Variants in PPP1R12B observed in about 807,000 individuals in gnomAD.
PPP1R12B encodes the protein protein phosphatase 1 regulatory subunit 12B, also known as myosin phosphatase target subunit 2.
Under a neutral mutation model 126.1 loss-of-function variants are expected in PPP1R12B, and 76 were observed. That is an observed-to-expected ratio of 0.60 (90% confidence interval 0.50 to 0.73). PPP1R12B has a LOEUF of 0.73. PPP1R12B is among the 30% of genes least tolerant of loss of function. The pLI, the probability that PPP1R12B is intolerant of heterozygous loss-of-function variation, is 0.00. For synonymous variants in PPP1R12B, 356 were observed against 434.7 expected (o/e 0.82, Z 2.25); for missense variants, 1,052 against 1,205.1 (o/e 0.87, Z 1.88).
At chr1:202,357,218 T>G (rs1424366739) in intron 1 of PPP1R12B, among the ~76,000 whole-genome samples, 1 of 152,210 alleles carries the variant, frequency 6.6e-6, no homozygotes, top group Admixed American at 6.5e-5. Context: ...GGTAATTTGT[T>G]ATAGCAGCAA....
chr1:202,563,033 A>C (rs1175211302), intron 20 of PPP1R12B, 111 bp downstream of exon 20: 2 of 1,225,330 alleles, frequency 1.6e-6, no homozygotes, highest in East Asian at 5.5e-5. Flanking sequence ...AAGAAAAGGC[A>C]CTTAAGTAAT....
chr1:202,351,212 TTTGTTGTTG>T (rs60936070), intron 1 of PPP1R12B, among the ~76,000 whole-genome samples: 34 of 146,550 alleles, frequency 2.3e-4, no homozygotes, highest in East Asian at 6.0e-4. Flanking sequence ...TGGAGAAGTT[TTTGTTGTTG>T]TTGTTGTTGT....
chr1:202,567,592 A>G (rs941405922), intron 21 of PPP1R12B, 186 bp from the exon 22 acceptor site: 2 of 598,914 alleles, frequency 3.3e-6, no homozygotes, highest in Non-Finnish European at 5.9e-6. Flanking sequence ...TGCAAACTTC[A>G]GAGAGGTGAT....
chr1:202,524,852 C>T (rs745613677), intron 18 of PPP1R12B, among the ~76,000 whole-genome samples: 6 of 152,034 alleles, frequency 3.9e-5, no homozygotes, highest in South Asian at 2.1e-4. Flanking sequence ...GTATTTTTTT[C>T]GTATAATGAC....
intron 1 of PPP1R12B, among the ~76,000 whole-genome samples, chr1:202,389,799 C>T (rs1289480351): frequency 9.2e-5 from 14 of 151,602 alleles, no homozygotes; most frequent in East Asian, 1.9e-4. Context: ...TGGTGGTGCA[C>T]GCTTGCAGTC....
At chr1:202,429,311 ATCTT>A (rs1669923136) in intron 6 of PPP1R12B, among the ~76,000 whole-genome samples, 2 of 152,216 alleles carry the variant, frequency 1.3e-5, no homozygotes, top group African/African-American at 2.4e-5. Flanking sequence ...CTAAAAGACT[ATCTT>A]TATTTAAGCA....
intron 18 of PPP1R12B, among the ~76,000 whole-genome samples, chr1:202,505,296 A>T (rs2148882193): frequency 6.6e-6 from 1 of 152,230 alleles, no homozygotes; most frequent in Middle Eastern, 3.4e-3. Context: ...TGCCTAAATA[A>T]CCCATCCCAT....
intron 13 of PPP1R12B, among the ~76,000 whole-genome samples, chr1:202,456,142 G>T (rs999098999): frequency 2.0e-5 from 3 of 151,856 alleles, no homozygotes; most frequent in South Asian, 2.1e-4. Flanking sequence ...GGTGATGCAC[G>T]CCTGTAATCC....
intron 18 of PPP1R12B, among the ~76,000 whole-genome samples, chr1:202,555,353 A>AAAAAAAAAAAAATT (rs1553320335): frequency 8.2e-6 from 1 of 121,584 alleles, no homozygotes; most frequent in African/African-American, 3.0e-5. Flanking sequence ...AAAAAAAAAA[A>AAAAAAAAAAAAATT]GCTTGTTTCG....
At chr1:202,457,166 G>A (rs1168752706) in intron 13 of PPP1R12B, among the ~76,000 whole-genome samples, 1 of 152,102 alleles carries the variant, frequency 6.6e-6, no homozygotes, top group Non-Finnish European at 1.5e-5. Flanking sequence ...TGTTTAAATG[G>A]GAACCCACAT....
At chr1:202,359,249 G>A (rs1657697616) in intron 1 of PPP1R12B, among the ~76,000 whole-genome samples, 1 of 151,766 alleles carries the variant, frequency 6.6e-6, no homozygotes, top group Non-Finnish European at 1.5e-5. Flanking sequence ...GGGTGTCTCA[G>A]CCTCCCAAGT....
chr1:202,390,662 CT>C (rs35412743), intron 1 of PPP1R12B, among the ~76,000 whole-genome samples: 54,247 of 135,044 alleles, frequency 0.4, 12,025 homozygotes, highest in East Asian at 0.68. Context: ...TCACATCCAG[CT>C]TTTTTTTTTT....
At position 202,567,820 on chromosome 1, in the gene PPP1R12B, A is replaced by G; in HGVS notation, c.2800A>G (p.Met934Val). 1 of 1,614,060 alleles carries G rather than the reference A, an allele frequency of 6.2e-7. No individual in the cohort carries two copies. Among genetic ancestry groups the G allele is most frequent in the Non-Finnish European group, 8.5e-7 (1 of 1,179,940 alleles). ...KTSDRSSVLE[M>V]EKRERRALER... ...CTCTGACCGATCATCAGTGCTGGAG[A>G]TGGAGAAACGGGTATGCGCATGTCT... is the stretch of plus-strand genomic sequence containing the variant. The change falls in exon 22 of 24, where the codon ATG becomes GTG. Residue 934 changes from methionine (M) to valine (V), a missense_variant. Met to Val is a conservative substitution (Grantham distance 21, BLOSUM62 1). Transcript: ENST00000608999.
chr1:202,397,506 T>C (rs911056942), intron 1 of PPP1R12B, among the ~76,000 whole-genome samples: 1 of 152,124 alleles, frequency 6.6e-6, no homozygotes, highest in Non-Finnish European at 1.5e-5. Context: ...CCAGAAAAAA[T>C]ATTGGCTGCT....
intron 13 of PPP1R12B, among the ~76,000 whole-genome samples, chr1:202,451,949 CG>C (rs1289101755): frequency 6.6e-6 from 1 of 151,314 alleles, no homozygotes; most frequent in African/African-American, 2.4e-5. Flanking sequence ...ACTTCTCAGA[CG>C]GGGCGGCTGC....
chr1:202,570,520 T>C (rs1688493406), intron 23 of PPP1R12B, among the ~76,000 whole-genome samples: 2 of 152,192 alleles, frequency 1.3e-5, no homozygotes, highest in Non-Finnish European at 2.9e-5. Context: ...ATCTTCCAAG[T>C]TGATTCAAGC....
At chr1:202,431,403 A>T (rs1471350386) in intron 7 of PPP1R12B, 77 bp from the exon 8 acceptor site, 1 of 1,197,672 alleles carries the variant, frequency 8.3e-7, no homozygotes, top group East Asian at 2.5e-5. Context: ...TTCCACATAT[A>T]GGTTTATAGA....
intron 1 of PPP1R12B, among the ~76,000 whole-genome samples, chr1:202,396,654 T>C (rs531770098): frequency 6.6e-6 from 1 of 152,328 alleles, no homozygotes; most frequent in African/African-American, 2.4e-5. Context: ...TCACTCAGAC[T>C]GAAGTGCAGT....
Position 202,591,404 on chromosome 1 carries a change from T to TACCTG in PPP1R12B, c.*10845_*10849dup, listed in dbSNP as rs1276590932. ...GGCCAGGGGCCGCAGGCAGGGGGGC[T>TACCTG]ACCTGTCCCTCTCAGTTCAACAGGA... On this transcript the variant is annotated 3_prime_UTR_variant, in exon 24 of 24. Transcript: ENST00000608999. 6.6e-6 allele frequency: 1 copy of TACCTG among 152,530 alleles called. No homozygotes were observed. The highest frequency in any genetic ancestry group is 1.5e-5 in the Non-Finnish European group (1 of 68,300). The allele number at this position is 152,530 out of a possible 1,614,324, so 9.4% of individuals were successfully genotyped here.
Sources: gnomAD v4.1 joint callset for allele counts (sites outside exome capture counted in the v4.1 genomes callset) on GRCh38, gnomAD v4.1.1 for gene constraint, MANE v1.5 for transcripts, NCBI Gene and HGNC (gene_info 2026-07-23, HGNC 2026-07-21) for gene names.